The following RBFOX1 variants were observed in gnomAD, a reference collection of about 807,000 sequenced individuals.
RBFOX1 encodes the protein RNA binding protein fox-1 homolog 1.
A neutral mutation model predicts 57.7 loss-of-function variants in RBFOX1; 8 were observed. The observed-to-expected ratio is 0.14, with a 90% confidence interval of 0.08 to 0.25. The LOEUF (loss-of-function observed/expected upper bound fraction) is 0.25. Ranked by LOEUF, RBFOX1 falls within the 10% of genes least tolerant of loss-of-function variation. The probability of loss-of-function intolerance (pLI) is 1.00; values close to 1 mark genes in which losing one functional copy is unlikely to be tolerated. For missense variants in RBFOX1, 611 were observed against 548.5 expected, an observed-to-expected ratio of 1.11 and a Z score of -1.14; for synonymous variants, 326 against 222.4, an observed-to-expected ratio of 1.47 and a Z score of -4.15.
At chr16:5,367,665 C>G (rs1208894646) in intron 1 of RBFOX1, among the ~76,000 whole-genome samples, 3 of 152,172 alleles carry the variant, frequency 2.0e-5, no homozygotes, top group Non-Finnish European at 2.9e-5. Flanking sequence ...AAGAATTGTG[C>G]TCAATACTTT....
chr16:7,674,264 G>C (rs980691397), intron 13 of RBFOX1, among the ~76,000 whole-genome samples: 1 of 152,042 alleles, frequency 6.6e-6, no homozygotes, highest in Non-Finnish European at 1.5e-5. Flanking sequence ...GATCATTTAG[G>C]CTGGTATTGT....
chr16:7,689,995 T>C (rs1205025406), intron 14 of RBFOX1, among the ~76,000 whole-genome samples: 1 of 152,088 alleles, frequency 6.6e-6, no homozygotes, highest in Non-Finnish European at 1.5e-5. Flanking sequence ...AAACAGAAGC[T>C]GCAAAAGTAG....
intron 2 of RBFOX1, among the ~76,000 whole-genome samples, chr16:6,520,368 G>T (rs974100451): frequency 6.6e-6 from 1 of 151,978 alleles, no homozygotes; most frequent in African/African-American, 2.4e-5. Flanking sequence ...TTTCTTAGAG[G>T]GTCCTAATGA....
chr16:5,696,500 ATATG>A (rs1373841396), intron 3 of RBFOX1, among the ~76,000 whole-genome samples: 1 of 152,200 alleles, frequency 6.6e-6, no homozygotes, highest in African/African-American at 2.4e-5. Context: ...CTTTGACTAA[ATATG>A]TAGGAATAAA....
chr16:7,070,865 C>T (rs1378877516), intron 4 of RBFOX1, among the ~76,000 whole-genome samples: 2 of 152,124 alleles, frequency 1.3e-5, no homozygotes, highest in Admixed American at 6.5e-5. Context: ...CCAAGGGTGA[C>T]AAAACCAGCA....
rs71150303 is a variant in RBFOX1 at position 7,496,747 on chromosome 16, GA to G, written c.28-21388del. Among the ~76,000 whole-genome samples the G allele has an allele frequency of 1.9e-4, 24 of 127,484 alleles. 2 individuals are homozygous for G. The highest frequency in any genetic ancestry group is 1.3e-3 in the South Asian group (5 of 3,732). The allele number at this position is 127,484 out of a possible 152,430, so 83.6% of individuals were successfully genotyped here. The stretch of plus-strand genomic sequence containing the variant: ...TTCTCATAGAAAAGACTACAGAACA[GA>G]AAAAAAAAAAACAGTTTGCATTGTG... On this transcript the variant is annotated intron_variant, in intron 4 of 15. Coordinates refer to ENST00000550418, the MANE Select transcript of RBFOX1 (RefSeq NM_018723.4).
At chr16:5,868,414 G>A (rs1384571092) in intron 4 of RBFOX1, among the ~76,000 whole-genome samples, 3 of 152,282 alleles carry the variant, frequency 2.0e-5, no homozygotes, top group East Asian at 1.9e-4. Context: ...GTGGGTTTTC[G>A]CTTTCCTCAG....
intron 3 of RBFOX1, among the ~76,000 whole-genome samples, chr16:5,760,052 T>A (rs552058038): frequency 6.6e-6 from 1 of 151,770 alleles, no homozygotes; most frequent in South Asian, 2.1e-4. Flanking sequence ...TATGCTGAGA[T>A]GTTTTGTGAT....
intron 1 of RBFOX1, among the ~76,000 whole-genome samples, chr16:6,153,313 T>TA (rs1223934338): frequency 6.6e-6 from 1 of 152,192 alleles, no homozygotes; most frequent in Non-Finnish European, 1.5e-5. Context: ...ACATTGAGAA[T>TA]ATTCAGTAAA....
chr16:5,797,591 G>A (rs1031428381), intron 3 of RBFOX1, among the ~76,000 whole-genome samples: 3 of 152,160 alleles, frequency 2.0e-5, no homozygotes, highest in African/African-American at 7.2e-5. Flanking sequence ...AGCTGATGCA[G>A]ACAATCCTAC....
intron 1 of RBFOX1, among the ~76,000 whole-genome samples, chr16:6,158,559 C>T (rs1033272847): frequency 6.6e-6 from 1 of 152,152 alleles, no homozygotes; most frequent in East Asian, 1.9e-4. Context: ...CCGTAATGTT[C>T]TAGCAAATGG....
rs2077909939 is a variant in RBFOX1, at chr16:7,523,206, G to A, written c.270+4817G>A. On this transcript the variant is annotated intron_variant, in intron 5 of 15. Transcript: ENST00000550418. ...CATTGCTGAGTACTGTTTCTGCATG[G>A]ATATGCCACAGTTTATTTCTCCATT... is the stretch of plus-strand genomic sequence containing the variant. 2.0e-5 allele frequency among the ~76,000 whole-genome samples: 3 copies of A among 152,136 alleles called. No homozygotes were observed. The South Asian group carries it at 6.2e-4, about 31-fold the overall frequency.
In RBFOX1 at chr16:6,682,247, C is replaced by G. The variant is rs116923486; in HGVS notation, c.-16+27597C>G. Among the ~76,000 whole-genome samples, 248 of 152,258 alleles carry G rather than the reference C, an allele frequency of 1.6e-3. No homozygotes were observed. In the East Asian group the frequency reaches 0.027, roughly 17 times the overall value. On this transcript the variant is annotated intron_variant, in intron 3 of 15. Transcript: ENST00000550418. ...CAACAGAGTCAGCGCTTTCAGCTCC[C>G]ACTCTCAGATAGGAAGCACACAGCC...
chr16:7,436,091 T>A (rs2098719457), intron 4 of RBFOX1, among the ~76,000 whole-genome samples: 1 of 152,242 alleles, frequency 6.6e-6, no homozygotes, highest in Admixed American at 6.5e-5. Flanking sequence ...AACTCTGTTA[T>A]GGAGAGTGTA....
At chr16:6,389,850 A>G (rs910055840) in intron 2 of RBFOX1, among the ~76,000 whole-genome samples, 1 of 152,176 alleles carries the variant, frequency 6.6e-6, no homozygotes, top group Non-Finnish European at 1.5e-5. Context: ...CTGTCTTCCC[A>G]GTATTTGGGA....
intron 4 of RBFOX1, among the ~76,000 whole-genome samples, chr16:7,362,446 C>G (rs955489329): frequency 6.7e-6 from 1 of 148,306 alleles, no homozygotes; most frequent in African/African-American, 2.5e-5. Context: ...TCTGCGTGTA[C>G]GTAGTATATA....
chr16:6,706,264 T>C (rs1035509376), intron 3 of RBFOX1, among the ~76,000 whole-genome samples: 5 of 152,238 alleles, frequency 3.3e-5, no homozygotes, highest in Middle Eastern at 3.4e-3. Flanking sequence ...GTTTTGATGA[T>C]AGGGCAACTT....
chr16:5,674,804 C>G (rs1485848185), intron 3 of RBFOX1, among the ~76,000 whole-genome samples: 3 of 152,100 alleles, frequency 2.0e-5, no homozygotes, highest in Non-Finnish European at 4.4e-5. Flanking sequence ...TGGACAGATT[C>G]AGATATATAA....
chr16:6,803,943 C>G (rs567747808), intron 3 of RBFOX1, among the ~76,000 whole-genome samples: 5 of 152,060 alleles, frequency 3.3e-5, no homozygotes, highest in African/African-American at 1.2e-4. Flanking sequence ...GTTTAGAACC[C>G]ATAGTTTCCT....
Sources: allele counts gnomAD v4.1 joint callset (sites outside exome capture counted in the v4.1 genomes callset), GRCh38; gene constraint gnomAD v4.1.1; transcripts MANE v1.5; gene names NCBI Gene and HGNC (gene_info 2026-07-23, HGNC 2026-07-21).